The following COL5A1 variants were observed in gnomAD, a reference collection of about 807,000 sequenced individuals.
COL5A1 encodes collagen alpha-1(V) chain.
COL5A1 carries 16 observed loss-of-function variants against 263.7 expected under a neutral mutation model. The observed-to-expected ratio is 0.06, with a 90% confidence interval of 0.04 to 0.09. The LOEUF (loss-of-function observed/expected upper bound fraction) is 0.09, where lower values mean the gene tolerates loss of function less well. Ranked by LOEUF, COL5A1 falls within the 10% of genes least tolerant of loss-of-function variation. The pLI, the probability that COL5A1 is intolerant of heterozygous loss-of-function variation, is 1.00. For synonymous variants in COL5A1, 1,012 were observed against 1,004.5 expected, an observed-to-expected ratio of 1.01 and a Z score of -0.14; for missense variants, 2,036 against 2,540.5, an observed-to-expected ratio of 0.80 and a Z score of 4.27.
At chr9:134,804,064 C>G (rs988108818) in intron 39 of COL5A1, among the ~76,000 whole-genome samples, 2 of 152,130 alleles carry the variant, frequency 1.3e-5, no homozygotes, top group Admixed American at 6.5e-5. Context: ...CAAAGGCAAG[C>G]TCTCCAGCCT....
chr9:134,756,873 A>T, intron 17 of COL5A1, 55 bp downstream of exon 17: 1 of 1,540,242 alleles, frequency 6.5e-7, no homozygotes, highest in Non-Finnish European at 9.0e-7. Flanking sequence ...CCCTGGGGTC[A>T]TGTTGATGAT....
intron 63 of COL5A1, among the ~76,000 whole-genome samples, chr9:134,826,647 CATGTGGCTGGTGGATGGGTGTGT>C (rs1295272314): frequency 1.0e-5 from 1 of 99,546 alleles, no homozygotes; most frequent in Non-Finnish European, 1.8e-5. Context: ...TGTGTGGGTG[CATGTGGCTGGTGGATGGGTGTGT>C]GTATGGGTGG....
intron 63 of COL5A1, among the ~76,000 whole-genome samples, chr9:134,828,626 AC>A (rs1839409700): frequency 2.6e-4 from 1 of 3,816 alleles, no homozygotes; most frequent in African/African-American, 8.3e-4. Context: ...CCACACACAT[AC>A]CACACACACG....
intron 1 of COL5A1, chr9:134,649,353 T>G (rs1288354658): frequency 2.6e-6 from 1 of 391,724 alleles, no homozygotes; most frequent in Non-Finnish European, 5.1e-6. Context: ...CTTTGATGAC[T>G]CAGACCTAAG....
chr9:134,651,112 G>T (rs1381445111), intron 1 of COL5A1, among the ~76,000 whole-genome samples: 1 of 152,200 alleles, frequency 6.6e-6, no homozygotes, highest in African/African-American at 2.4e-5. Context: ...TTCAGAAGGG[G>T]AGCCATGGCC....
chr9:134,801,401 G>T (rs983045838), intron 37 of COL5A1, among the ~76,000 whole-genome samples: 1 of 152,252 alleles, frequency 6.6e-6, no homozygotes, highest in Non-Finnish European at 1.5e-5. Flanking sequence ...GAAAAGGAGC[G>T]TTTGGTGACA....
Position 134,785,089 on chromosome 9 carries a change from G to C in COL5A1, c.2585G>C (p.Gly862Ala). ...NGDPGPLGPP[G>A]EKGKLGVPGL... ...GACCCCGGTCCTCTGGGACCCCCTGGGGAGAAGGTTTGTGATGTGGGACGT... is the reference window on the plus strand; with the variant it reads ...GACCCCGGTCCTCTGGGACCCCCTGCGGAGAAGGTTTGTGATGTGGGACGT... Residue 862 changes from glycine (G) to alanine (A), a missense_variant, in exon 30 of 66, where the codon GGG becomes GCG. Transcript: ENST00000371817. 6.2e-7 allele frequency: 1 copy of C among 1,612,816 alleles called. No individual in the cohort carries two copies. Among genetic ancestry groups the C allele is most frequent in the African/African-American group, 1.3e-5 (1 of 75,042 alleles).
chr9:134,810,118 A>G (rs1838460911), intron 43 of COL5A1, 137 bp from the exon 44 acceptor site: 1 of 909,474 alleles, frequency 1.1e-6, no homozygotes, highest in Admixed American at 1.8e-5. Flanking sequence ...ATATGGAAAC[A>G]TTTATTCGTA....
At chr9:134,812,170 A>T (rs1313426922) in intron 46 of COL5A1, among the ~76,000 whole-genome samples, 1 of 152,170 alleles carries the variant, frequency 6.6e-6, no homozygotes, top group Non-Finnish European at 1.5e-5. Context: ...TAATTTACCC[A>T]GGCGTCCCCT....
At chr9:134,717,796 G>C (rs1834322761) in intron 4 of COL5A1, among the ~76,000 whole-genome samples, 2 of 152,222 alleles carry the variant, frequency 1.3e-5, no homozygotes, top group Admixed American at 1.3e-4. Context: ...AGATGATAAA[G>C]TCTGTGGGAC....
chr9:134,815,560 T>C lies in COL5A1; in HGVS notation c.4015-16T>C. Reference sequence around the variant, plus strand: ...TTGCTGATGGCCTTGGCTGCTTCCTTCTTTCTTCCTTTCAGGGCCCAGTGG... The same window carrying C: ...TTGCTGATGGCCTTGGCTGCTTCCTCCTTTCTTCCTTTCAGGGCCCAGTGG... On this transcript the variant is annotated splice_polypyrimidine_tract_variant and intron_variant, in intron 50 of 65. Coordinates refer to ENST00000371817, the MANE Select transcript of COL5A1 (RefSeq NM_000093.5). 6.2e-7 allele frequency: 1 copy of C among 1,612,446 alleles called. No individual in the cohort carries two copies. The highest frequency in any genetic ancestry group is 8.5e-7 in the Non-Finnish European group (1 of 1,179,424).
At chr9:134,764,056 T>G in intron 20 of COL5A1, among the ~76,000 whole-genome samples, 1 of 51,592 alleles carries the variant, frequency 1.9e-5, no homozygotes, top group African/African-American at 7.8e-5. Flanking sequence ...GTGGGGTCCA[T>G]GGGCATTGTG....
At chr9:134,788,625 A>G (rs113219816) in intron 31 of COL5A1, among the ~76,000 whole-genome samples, 1,759 of 145,016 alleles carry the variant, frequency 0.012, 50 homozygotes, top group African/African-American at 0.045. Flanking sequence ...AGAGAGATAG[A>G]TGGATAGACA....
rs1834750129 is a variant in COL5A1, at chr9:134,728,730, C to T, written c.847C>T (p.Pro283Ser). The change falls in exon 6 of 66, where the codon CCC becomes TCC. Residue 283 changes from proline (P) to serine (S), a missense_variant. Coordinates refer to ENST00000371817, the MANE Select transcript of COL5A1 (RefSeq NM_000093.5). The part of the protein sequence containing the change: ...YYYEYPYYED[P>S]EDLGKEPTPS... ...CTACGAATACCCCTACTACGAAGAC[C>T]CCGAAGACCTAGGGAAGGAGCCCAC... 1.9e-6 allele frequency: 3 copies of T among 1,614,170 alleles called. No individual in the cohort carries two copies. Among genetic ancestry groups the T allele is most frequent in the South Asian group, 2.2e-5 (2 of 91,086 alleles).
At chr9:134,715,494 G>A (rs1035825182) in intron 4 of COL5A1, among the ~76,000 whole-genome samples, 1 of 152,150 alleles carries the variant, frequency 6.6e-6, no homozygotes, top group African/African-American at 2.4e-5. Flanking sequence ...TCTGGGGGAT[G>A]GTCAAGTCTT....
intron 1 of COL5A1, among the ~76,000 whole-genome samples, chr9:134,654,910 TGTTTGTAGGGCTGGGG>T (rs1831892536): frequency 5.0e-5 from 1 of 20,150 alleles, no homozygotes; most frequent in Admixed American, 6.1e-4. Context: ...GTAGGGCTGG[TGTTTGTAGGGCTGGGG>T]GTGTGTAGGG....
intron 64 of COL5A1, chr9:134,830,266 GTGTGC>G: frequency 7.4e-7 from 1 of 1,347,624 alleles, no homozygotes; most frequent in Non-Finnish European, 1.0e-6. Context: ...TCGCTGCCAT[GTGTGC>G]CACACCGCTC....
chr9:134,718,297 C>T (rs539713719), intron 4 of COL5A1, among the ~76,000 whole-genome samples: 4 of 152,244 alleles, frequency 2.6e-5, no homozygotes, highest in Admixed American at 2.6e-4. Flanking sequence ...TGCAGCAGAG[C>T]GGAATGGCCG....
At position 134,677,961 on chromosome 9, in the gene COL5A1, C is replaced by A. The variant is rs958611876; in HGVS notation, c.110-12951C>A. ...CGCCCCATAGCTTGGGTATGGAGGG[C>A]CTCCTCTCCATGCAAGGCCTCCTAT... is the stretch of plus-strand genomic sequence containing the variant. On this transcript the variant is annotated intron_variant, in intron 1 of 65. Coordinates refer to ENST00000371817, the MANE Select transcript of COL5A1 (RefSeq NM_000093.5). This position sits in a 1 kb window ranked among gnomAD's most constrained non-coding sequence, Gnocchi z 4.4. 1.3e-5 allele frequency among the ~76,000 whole-genome samples: 2 copies of A among 152,144 alleles called. No individual in the cohort carries two copies. Among genetic ancestry groups the A allele is most frequent in the African/African-American group, 2.4e-5 (1 of 41,426 alleles).
Sources: allele counts gnomAD v4.1 joint callset (sites outside exome capture counted in the v4.1 genomes callset), GRCh38; gene constraint gnomAD v4.1.1; non-coding constraint Gnocchi (gnomAD v3.1); transcripts MANE v1.5; gene names NCBI Gene and HGNC (gene_info 2026-07-23, HGNC 2026-07-21).